Variants in C4orf50 observed in about 807,000 individuals in gnomAD.
The protein encoded by C4orf50 is chromosome 4 open reading frame 50.
C4orf50 carries 80 observed loss-of-function variants against 77.2 expected under a neutral mutation model. The ratio of observed to expected loss-of-function variants is 1.04; its 90% confidence interval spans 0.87 to 1.25. The LOEUF (loss-of-function observed/expected upper bound fraction) is 1.25. Among genes scored for constraint, C4orf50 ranks in the 50% most tolerant of loss-of-function variants. The pLI, the probability that C4orf50 is intolerant of heterozygous loss-of-function variation, is 0.00. For missense variants in C4orf50, 1,257 were observed against 1,152.9 expected (o/e 1.09, Z -1.31); for synonymous variants, 532 against 465.3 (o/e 1.14, Z -1.84).
chr4:6,009,067 AGGTAC>A lies in C4orf50; in HGVS notation c.427-540_427-536del, dbSNP rs1195110889. On this transcript the variant is annotated intron_variant, in intron 24 of 33. Coordinates refer to ENST00000531445, the Ensembl canonical transcript of C4orf50. The surrounding 1 kb of genome is among the most constrained non-coding windows in gnomAD (Gnocchi z 5.6). ...TACTGTGGATACTCCACCTGGAGGG[AGGTAC>A]GTTACTAGCCTGAGAGACACTCAGG... is the stretch of plus-strand genomic sequence containing the variant. 2.0e-4 allele frequency among the ~76,000 whole-genome samples: 30 copies of A among 152,300 alleles called. No homozygotes were observed. The highest frequency in any genetic ancestry group is 3.4e-3 in the Middle Eastern group (1 of 294).
At chr4:5,909,601 A>G (rs1431535904) in intron 7 of C4orf50, among the ~76,000 whole-genome samples, 1 of 152,246 alleles carries the variant, frequency 6.6e-6, no homozygotes, top group East Asian at 1.9e-4. Flanking sequence ...AATGTCCTGA[A>G]GCATTTCTCC....
At chr4:5,993,491 G>C (rs1017941987) in intron 26 of C4orf50, among the ~76,000 whole-genome samples, 1 of 152,214 alleles carries the variant, frequency 6.6e-6, no homozygotes, top group African/African-American at 2.4e-5. Flanking sequence ...TGAGTGCAGG[G>C]GCTCTGGAAG....
At chr4:6,012,107 T>C (rs1722519334) in intron 23 of C4orf50, 139 bp from the exon 2 acceptor site, 1 of 397,306 alleles carries the variant, frequency 2.5e-6, no homozygotes, top group African/African-American at 2.1e-5. Context: ...AAATTACGTT[T>C]TGCATAATAT....
At chr4:5,996,756 C>G (rs1387398532) in intron 25 of C4orf50, among the ~76,000 whole-genome samples, 2 of 152,186 alleles carry the variant, frequency 1.3e-5, no homozygotes, top group Non-Finnish European at 2.9e-5. Flanking sequence ...AGAACCAGTG[C>G]AGGAGCCTCA....
intron 32 of C4orf50, among the ~76,000 whole-genome samples, chr4:5,965,562 G>A (rs563443959): frequency 1.3e-5 from 2 of 152,358 alleles, no homozygotes; most frequent in South Asian, 2.1e-4. Flanking sequence ...TCTTTGAAAC[G>A]GGATGAAGCT....
chr4:5,927,599 G>C (rs1481827248), intron 7 of C4orf50, among the ~76,000 whole-genome samples: 1 of 151,776 alleles, frequency 6.6e-6, no homozygotes, highest in African/African-American at 2.4e-5. Context: ...CTGATGGTTT[G>C]AAAGTGGGAG....
At chr4:5,996,013 G>T (rs550987329) in intron 25 of C4orf50, among the ~76,000 whole-genome samples, 204 of 152,302 alleles carry the variant, frequency 1.3e-3, no homozygotes, top group African/African-American at 4.7e-3. Context: ...TGATCACCCA[G>T]GCTTCCCTTG....
At chr4:5,990,695 C>T (rs746720674) in exon 28 of C4orf50, 2 of 399,138 alleles carry the variant, frequency 5.0e-6, no homozygotes, top group Non-Finnish European at 8.8e-6. Context: ...GCAGCTGGGT[C>T]AGCTGCTAGA....
intron 29 of C4orf50, among the ~76,000 whole-genome samples, chr4:5,978,075 C>T (rs1720384604): frequency 6.6e-6 from 1 of 152,126 alleles, no homozygotes; most frequent in South Asian, 2.1e-4. Flanking sequence ...AAAGATGTTC[C>T]ACATTATTAG....
chr4:6,015,931 C>G lies in C4orf50; in HGVS notation c.287+2214G>C, dbSNP rs1722669032. Among the ~76,000 whole-genome samples, 1 of 152,196 alleles carries G rather than the reference C, an allele frequency of 6.6e-6. No homozygotes were observed. The highest frequency in any genetic ancestry group is 2.4e-5 in the African/African-American group (1 of 41,450). On this transcript the variant is annotated intron_variant, in intron 23 of 33. Coordinates refer to ENST00000531445, the Ensembl canonical transcript of C4orf50. This position sits in a 1 kb window ranked among gnomAD's most constrained non-coding sequence, Gnocchi z 4.4. ...AATCTGGGTCCATATCCCCATGTCA[C>G]CATCCTTGACATGTCGACATAGTCC...
chr4:5,982,907 G>T (rs1270144854), intron 28 of C4orf50, among the ~76,000 whole-genome samples: 1 of 152,206 alleles, frequency 6.6e-6, no homozygotes, highest in African/African-American at 2.4e-5. Flanking sequence ...GCAGCATGGA[G>T]TGTGGAGGCT....
rs150949889 is a variant in C4orf50, at chr4:5,983,837, T to C, written c.3700-3499A>G. 6.2e-3 allele frequency among the ~76,000 whole-genome samples: 951 copies of C among 152,278 alleles called. 8 individuals carry two copies. Among genetic ancestry groups the C allele is most frequent in the Non-Finnish European group, 0.011 (737 of 68,028 alleles). ...GTGGGACAAAGTAACAGGGAAGAGA[T>C]AGCTGCAGAGAATGAAAGTCCAAAT... is the stretch of plus-strand genomic sequence containing the variant. On this transcript the variant is annotated intron_variant, in intron 28 of 33. Transcript: ENST00000531445.
At position 5,905,064 on chromosome 4, in the gene C4orf50, C is replaced by G. The variant is rs528727302; in HGVS notation, c.*2475-6876G>C. ...CCATTAGCTCATTTGGTTGTCAGAG[C>G]AAAACTGTCAAGTAGGCATATGACC... On this transcript the variant is annotated intron_variant, in intron 7 of 7. Transcript: ENST00000324058. The surrounding 1 kb of genome is among the most constrained non-coding windows in gnomAD (Gnocchi z 5.4). 1 of 152,296 alleles carries G rather than the reference C, an allele frequency of 6.6e-6. No homozygotes were observed. Among genetic ancestry groups the G allele is most frequent in the African/African-American group, 2.4e-5 (1 of 41,556 alleles). 9.4% of individuals were successfully genotyped at this position (152,296 alleles called of 1,614,324 possible). A position where few individuals can be genotyped will look rare whatever the true frequency, so the allele number is the denominator to read the frequency against.
In C4orf50 at chr4:5,929,715, G is replaced by A. The variant is rs567875125; in HGVS notation, c.*2474+27186C>T. Among the ~76,000 whole-genome samples the A allele has an allele frequency of 3.9e-5, 6 of 152,366 alleles. No homozygotes were observed. In the South Asian group the frequency reaches 6.2e-4, roughly 16 times the overall value. ...CCAGGCTGCCCAGCGCTCTGTGAGC[G>A]CTAGCCCTAAAAGGCACTTGTGAAA... On this transcript the variant is annotated intron_variant, in intron 7 of 7. Transcript: ENST00000324058.
intron 7 of C4orf50, among the ~76,000 whole-genome samples, chr4:5,927,735 T>C (rs1441691289): frequency 2.0e-5 from 3 of 152,162 alleles, no homozygotes; most frequent in East Asian, 3.9e-4. Context: ...TCCCCAGCCA[T>C]GCAGAACTAT....
chr4:5,968,445 C>A (rs961836120), intron 31 of C4orf50, among the ~76,000 whole-genome samples: 3 of 152,154 alleles, frequency 2.0e-5, no homozygotes, highest in African/African-American at 4.8e-5. Flanking sequence ...CACCAGCACT[C>A]CTGGGAGGCT....
intron 27 of C4orf50, among the ~76,000 whole-genome samples, chr4:5,991,832 G>A (rs1216207646): frequency 6.6e-6 from 1 of 152,206 alleles, no homozygotes; most frequent in African/African-American, 2.4e-5. Flanking sequence ...AAGGCCAGGA[G>A]TGCTGCCCCT....
intron 31 of C4orf50, among the ~76,000 whole-genome samples, chr4:5,971,064 C>T (rs1719880616): frequency 6.6e-6 from 1 of 152,156 alleles, no homozygotes; most frequent in African/African-American, 2.4e-5. Flanking sequence ...CCAGGGCCCT[C>T]CAGGGGTATT....
At chr4:5,906,203 T>C (rs1321802550) in intron 7 of C4orf50, among the ~76,000 whole-genome samples, 1 of 149,362 alleles carries the variant, frequency 6.7e-6, no homozygotes, top group Non-Finnish European at 1.5e-5. Context: ...GTTGGCAGCA[T>C]GGCAGATGTT....
Sources: allele counts gnomAD v4.1 joint callset (sites outside exome capture counted in the v4.1 genomes callset), GRCh38; gene constraint gnomAD v4.1.1; non-coding constraint Gnocchi (gnomAD v3.1); transcripts MANE v1.5; gene names NCBI Gene and HGNC (gene_info 2026-07-23, HGNC 2026-07-21).